ROBO1: variants seen among roughly 807,000 people sequenced by gnomAD.
The protein encoded by ROBO1 is roundabout homolog 1.
A neutral mutation model predicts 195.9 loss-of-function variants in ROBO1; 149 were observed. The ratio of observed to expected loss-of-function variants is 0.76; its 90% CI spans 0.67 to 0.87. The LOEUF (loss-of-function observed/expected upper bound fraction) is 0.87. Ranked by LOEUF, ROBO1 falls within the 40% of genes least tolerant of loss-of-function variation. The pLI is 0.00. For synonymous variants in ROBO1, 816 were observed against 733.2 expected, an observed-to-expected ratio of 1.11 and a Z score of -1.82; for missense variants, 1,933 against 2,068.3, an observed-to-expected ratio of 0.93 and a Z score of 1.27.
intron 2 of ROBO1, among the ~76,000 whole-genome samples, chr3:79,322,706 T>C (rs770630523): frequency 2.0e-4 from 31 of 152,356 alleles, no homozygotes; most frequent in Non-Finnish European, 4.1e-4. Context: ...CAGCTTTTTC[T>C]GAGCACTGTA....
chr3:79,693,993 C>T (rs993067764), intron 1 of ROBO1, among the ~76,000 whole-genome samples: 2 of 151,268 alleles, frequency 1.3e-5, no homozygotes, highest in Admixed American at 6.6e-5. Context: ...TTAGAATTTA[C>T]GTGTTAACTT....
At chr3:79,027,477 T>C (rs1226278879) in intron 3 of ROBO1, among the ~76,000 whole-genome samples, 2 of 152,116 alleles carry the variant, frequency 1.3e-5, no homozygotes, top group Non-Finnish European at 2.9e-5. Context: ...GCCTTTGGGA[T>C]TTAATAGCTT....
At chr3:79,624,591 A>G (rs1442161399) in intron 1 of ROBO1, among the ~76,000 whole-genome samples, 2 of 152,204 alleles carry the variant, frequency 1.3e-5, no homozygotes, top group Non-Finnish European at 2.9e-5. Flanking sequence ...AGAAATCAAA[A>G]AAGGCAAAGA....
chr3:79,119,844 C>T (rs1351061715), intron 3 of ROBO1, among the ~76,000 whole-genome samples: 1 of 151,806 alleles, frequency 6.6e-6, no homozygotes, highest in African/African-American at 2.4e-5. Context: ...GATCTCAGCT[C>T]ACTACAACCT....
intron 2 of ROBO1, among the ~76,000 whole-genome samples, chr3:79,496,076 G>C (rs1326078857): frequency 2.0e-5 from 3 of 151,740 alleles, no homozygotes; most frequent in African/African-American, 7.3e-5. Context: ...AGCCAGGTGT[G>C]GTGGTACGTG....
At chr3:79,162,545 C>T (rs985343482) in intron 2 of ROBO1, among the ~76,000 whole-genome samples, 8 of 151,966 alleles carry the variant, frequency 5.3e-5, no homozygotes, top group African/African-American at 1.9e-4. Flanking sequence ...AAACGTTAGC[C>T]AATCATCTAT....
intron 2 of ROBO1, among the ~76,000 whole-genome samples, chr3:79,530,106 A>C (rs1941587067): frequency 6.6e-6 from 1 of 152,226 alleles, no homozygotes; most frequent in Admixed American, 6.5e-5. Flanking sequence ...TAATAGCAAA[A>C]ATAACATAAT....
intron 4 of ROBO1, among the ~76,000 whole-genome samples, chr3:78,832,365 A>C (rs2032303553): frequency 6.6e-6 from 1 of 152,182 alleles, no homozygotes. Context: ...GCAGGTGTAT[A>C]TGCCTCCGCC....
intron 4 of ROBO1, among the ~76,000 whole-genome samples, chr3:78,869,011 T>G (rs2035363488): frequency 6.6e-6 from 1 of 152,184 alleles, no homozygotes; most frequent in Non-Finnish European, 1.5e-5. Context: ...TATCAGACAA[T>G]AAGTTATGTA....
At chr3:79,696,201 C>T (rs1046531310) in intron 1 of ROBO1, among the ~76,000 whole-genome samples, 1 of 151,348 alleles carries the variant, frequency 6.6e-6, no homozygotes, top group Non-Finnish European at 1.5e-5. Context: ...TGATTTCTCT[C>T]TGGAGGAAAT....
At chr3:79,673,252 A>G (rs1014601574) in intron 1 of ROBO1, among the ~76,000 whole-genome samples, 6 of 151,990 alleles carry the variant, frequency 3.9e-5, no homozygotes, top group African/African-American at 1.4e-4. Flanking sequence ...TGTTTTAATC[A>G]TGCAGTAACA....
intron 26 of ROBO1, among the ~76,000 whole-genome samples, chr3:78,625,634 T>G (rs1319236948): frequency 6.6e-6 from 1 of 152,178 alleles, no homozygotes; most frequent in African/African-American, 2.4e-5. Flanking sequence ...ATTAATATTT[T>G]TGAATACTTA....
intron 3 of ROBO1, among the ~76,000 whole-genome samples, chr3:79,111,135 T>C (rs1270092343): frequency 1.3e-5 from 2 of 152,184 alleles, no homozygotes; most frequent in African/African-American, 2.4e-5. Flanking sequence ...GACTCATTTA[T>C]AGAAACAATA....
intron 24 of ROBO1, among the ~76,000 whole-genome samples, chr3:78,631,997 T>A (rs1705214581): frequency 1.3e-5 from 2 of 152,200 alleles, no homozygotes; most frequent in South Asian, 2.1e-4. Flanking sequence ...TCATTTTAGA[T>A]CTGGCATATT....
intron 3 of ROBO1, among the ~76,000 whole-genome samples, chr3:79,090,302 T>A (rs1232005940): frequency 6.6e-6 from 1 of 152,158 alleles, no homozygotes; most frequent in African/African-American, 2.4e-5. Context: ...AATCTTTCTA[T>A]TTATTTGTTT....
At chr3:78,943,105 A>C (rs529979527) in intron 3 of ROBO1, among the ~76,000 whole-genome samples, 11 of 151,556 alleles carry the variant, frequency 7.3e-5, no homozygotes, top group Non-Finnish European at 1.6e-4. Flanking sequence ...AGTCCCAGCT[A>C]CTCGAGAGGC....
intron 1 of ROBO1, among the ~76,000 whole-genome samples, chr3:79,718,238 A>T (rs1702564163): frequency 6.6e-6 from 1 of 152,102 alleles, no homozygotes; most frequent in Non-Finnish European, 1.5e-5. Context: ...TTTATAAATC[A>T]TAATGACCAG....
At chr3:79,130,118 G>A (rs2080300921) in intron 2 of ROBO1, among the ~76,000 whole-genome samples, 1 of 19,430 alleles carries the variant, frequency 5.1e-5, no homozygotes, top group African/African-American at 2.2e-4. Context: ...GTAGTGTGAT[G>A]CCTCCAGCTT....
chr3:78,645,874 A>C (rs1706246551), intron 21 of ROBO1, among the ~76,000 whole-genome samples: 1 of 151,972 alleles, frequency 6.6e-6, no homozygotes, highest in Non-Finnish European at 1.5e-5. Flanking sequence ...AGTCACTTTA[A>C]CTCCTTTTAA....
Sources: allele counts gnomAD v4.1 joint callset (sites outside exome capture counted in the v4.1 genomes callset), GRCh38; gene constraint gnomAD v4.1.1; transcripts MANE v1.5; gene names NCBI Gene and HGNC (gene_info 2026-07-23, HGNC 2026-07-21).